Variants in ESR1 observed in about 807,000 individuals in gnomAD.
ESR1 encodes estrogen receptor 1.
In ESR1, 12 loss-of-function variants were observed where a neutral mutation model predicts 52.7. The observed-to-expected ratio is 0.23, with a 90% CI of 0.15 to 0.37. The LOEUF (loss-of-function observed/expected upper bound fraction) is 0.37, where lower values mean the gene tolerates loss of function less well. Ranked by LOEUF, ESR1 falls within the 10% of genes least tolerant of loss-of-function variation. The pLI is 1.00. For missense variants in ESR1, 584 were observed against 779.7 expected, an observed-to-expected ratio of 0.75 and a Z score of 2.99; for synonymous variants, 305 against 316.8, an observed-to-expected ratio of 0.96 and a Z score of 0.39.
chr6:151,986,015 T>G (rs1437529215), intron 4 of ESR1, among the ~76,000 whole-genome samples: 1 of 152,164 alleles, frequency 6.6e-6, no homozygotes, highest in Admixed American at 6.5e-5. Context: ...CTTCAGGCAT[T>G]AGACATAATA....
intron 5 of ESR1, among the ~76,000 whole-genome samples, chr6:152,060,097 G>A (rs558745728): frequency 1.3e-5 from 2 of 152,146 alleles, no homozygotes; most frequent in South Asian, 2.1e-4. Context: ...AATTCCTTTC[G>A]TGTGTAGTAT....
intron 1 of ESR1, among the ~76,000 whole-genome samples, chr6:151,680,689 C>T (rs186189318): frequency 1.3e-4 from 20 of 152,236 alleles, no homozygotes; most frequent in Admixed American, 7.8e-4. Context: ...TGGGGGGACA[C>T]AAATCTTTCA....
At chr6:152,030,852 G>T (rs762818721) in intron 5 of ESR1, among the ~76,000 whole-genome samples, 1 of 152,028 alleles carries the variant, frequency 6.6e-6, no homozygotes, top group African/African-American at 2.4e-5. Context: ...TCAGCACCAC[G>T]CCGGACTTAA....
chr6:151,965,621 C>T (rs1031698305), intron 4 of ESR1, among the ~76,000 whole-genome samples: 6 of 152,014 alleles, frequency 3.9e-5, no homozygotes, highest in African/African-American at 1.4e-4. Flanking sequence ...AGTTCACCCA[C>T]TGTTAAATAA....
chr6:151,911,014 G>A (rs1303019366), intron 3 of ESR1, among the ~76,000 whole-genome samples: 2 of 152,084 alleles, frequency 1.3e-5, no homozygotes, highest in East Asian at 1.9e-4. Context: ...TATAGGGTTT[G>A]CGCACCTATG....
upstream of ESR1, among the ~76,000 whole-genome samples, chr6:151,686,254 A>T (rs1255101598): frequency 1.3e-5 from 2 of 152,054 alleles, no homozygotes; most frequent in Non-Finnish European, 2.9e-5. Flanking sequence ...ATAAGCTTGA[A>T]CTAGGGCTTT....
chr6:151,873,510 A>G (rs1791322258), intron 2 of ESR1, among the ~76,000 whole-genome samples: 1 of 152,164 alleles, frequency 6.6e-6, no homozygotes, highest in South Asian at 2.1e-4. Context: ...CAGAGCAGGA[A>G]CGGCTCTTGG....
intron 1 of ESR1, among the ~76,000 whole-genome samples, chr6:151,683,864 A>ATTTTTTTTTT (rs66983259): frequency 5.1e-5 from 6 of 118,436 alleles, no homozygotes; most frequent in Non-Finnish European, 8.6e-5. Flanking sequence ...ACGTCTGGCT[A>ATTTTTTTTTT]TTTTTTTTTT....
rs201615007 is a variant in ESR1 at position 151,678,472 on chromosome 6, T to TA, written n.73+21725dup. ...TGGGCAACAAAGCGAGACTCCATAT[T>TA]AAAAAAAAAAAAAAAAGTTGATGCC... On this transcript the variant is annotated intron_variant and non_coding_transcript_variant, in intron 1 of 2. Coordinates refer to the ESR1 transcript ENST00000473497. 8.4e-3 allele frequency among the ~76,000 whole-genome samples: 1,157 copies of TA among 137,026 alleles called. 10 individuals are homozygous for TA. Among genetic ancestry groups the TA allele is most frequent in the African/African-American group, 0.024 (871 of 36,942 alleles). 89.9% of individuals were successfully genotyped at this position (137,026 alleles called of 152,430 possible).
intron 5 of ESR1, among the ~76,000 whole-genome samples, chr6:152,018,585 G>GGGTGTTGGGGGTGGAAGGAGCA: frequency 6.6e-6 from 1 of 152,098 alleles, no homozygotes; most frequent in East Asian, 1.9e-4. Flanking sequence ...GTAGTAGCTG[G>GGGTGTTGGGGGTGGAAGGAGCA]GGTGTTGGGG....
At chr6:151,901,314 T>C (rs1323902500) in intron 3 of ESR1, among the ~76,000 whole-genome samples, 12 of 152,148 alleles carry the variant, frequency 7.9e-5, no homozygotes, top group Non-Finnish European at 1.6e-4. Flanking sequence ...ATCAAGTTTG[T>C]TTGCAGGCAG....
At chr6:151,679,956 C>T (rs1420012639) in intron 1 of ESR1, among the ~76,000 whole-genome samples, 1 of 152,200 alleles carries the variant, frequency 6.6e-6, no homozygotes, top group Admixed American at 6.5e-5. Context: ...CCCTTGTACT[C>T]CCCATCTCTA....
chr6:151,947,316 CTAAA>C (rs1298279943), intron 4 of ESR1, among the ~76,000 whole-genome samples: 4 of 152,002 alleles, frequency 2.6e-5, no homozygotes, highest in African/African-American at 7.2e-5. Flanking sequence ...GACTCTGTCT[CTAAA>C]TAAATAAATA....
chr6:151,886,510 C>T (rs771878643), intron 3 of ESR1, among the ~76,000 whole-genome samples: 11 of 151,842 alleles, frequency 7.2e-5, no homozygotes, highest in African/African-American at 2.2e-4. Context: ...CAAAAATTAA[C>T]GGGATAATTT....
intron 5 of ESR1, among the ~76,000 whole-genome samples, chr6:152,057,463 A>G (rs2047189438): frequency 6.6e-6 from 1 of 152,188 alleles, no homozygotes; most frequent in South Asian, 2.1e-4. Flanking sequence ...TCTTAAGAAT[A>G]TATCAGGATA....
At chr6:152,015,444 A>G (rs1382718673) in intron 5 of ESR1, among the ~76,000 whole-genome samples, 1 of 152,084 alleles carries the variant, frequency 6.6e-6, no homozygotes, top group East Asian at 1.9e-4. Context: ...TCATTCCACC[A>G]TATTAGTTAT....
intron 1 of ESR1, among the ~76,000 whole-genome samples, chr6:151,812,988 C>G (rs998616242): frequency 1.3e-5 from 2 of 151,410 alleles, no homozygotes; most frequent in Non-Finnish European, 2.9e-5. Flanking sequence ...AAAAGTATGT[C>G]TGAGCTGTTC....
chr6:151,996,366 C>T (rs1426620035), intron 4 of ESR1, among the ~76,000 whole-genome samples: 1 of 152,082 alleles, frequency 6.6e-6, no homozygotes, highest in Non-Finnish European at 1.5e-5. Context: ...CTATTTGTTC[C>T]TGACTGTTAG....
At chr6:152,125,497 T>C (rs146391807) in exon 7 of ESR1, 65 of 1,164,226 alleles carry the variant, frequency 5.6e-5, no homozygotes, top group Admixed American at 4.0e-4. Context: ...AATGATTCAA[T>C]GGTTTGCCTT....
Sources: gnomAD v4.1 joint callset for allele counts (sites outside exome capture counted in the v4.1 genomes callset) on GRCh38, gnomAD v4.1.1 for gene constraint, MANE v1.5 for transcripts, NCBI Gene and HGNC (gene_info 2026-07-23, HGNC 2026-07-21) for gene names.